The following NHERF1 variants were observed in gnomAD, a reference collection of about 807,000 sequenced individuals.
NHERF1 encodes NHERF family PDZ scaffold protein 1, also known as Na(+)/H(+) exchange regulatory cofactor NHE-RF1.
the NHERF1 span, among the ~76,000 whole-genome samples, chr17:74,759,302 C>G: frequency 1.2e-4 from 18 of 152,356 alleles, no homozygotes; most frequent in Non-Finnish European, 2.1e-4. Flanking sequence ...GGCTGGGTAC[C>G]CTGTTTCCCC....
At chr17:74,768,485 C>T in the NHERF1 span, 1 of 1,614,068 alleles carries the variant, frequency 6.2e-7, no homozygotes, top group Non-Finnish European at 8.5e-7. Flanking sequence ...CCCAAGACAG[C>T]CCCCCAAAAC....
the NHERF1 span, among the ~76,000 whole-genome samples, chr17:74,750,877 T>TA: frequency 6.7e-6 from 1 of 148,478 alleles, no homozygotes; most frequent in Non-Finnish European, 1.5e-5. Context: ...AGGCCTGGCA[T>TA]AGCACACGTG....
At chr17:74,767,777 TCCCCATGC>T in the NHERF1 span, among the ~76,000 whole-genome samples, 1 of 152,016 alleles carries the variant, frequency 6.6e-6, no homozygotes, top group African/African-American at 2.4e-5. Flanking sequence ...CCACATGGGC[TCCCCATGC>T]CCCCATGTGT....
At chr17:74,767,440 C>A in the NHERF1 span, among the ~76,000 whole-genome samples, 1 of 152,062 alleles carries the variant, frequency 6.6e-6, no homozygotes, top group African/African-American at 2.4e-5. Context: ...CATGGAGGAA[C>A]CCAGGAAGGG....
At chr17:74,768,249 T>C in the NHERF1 span, 2,330 of 1,597,384 alleles carry the variant, frequency 1.5e-3, 3 homozygotes, top group South Asian at 4.2e-3. Flanking sequence ...AGGCCAGCCA[T>C]GCGGGGGGTG....
chr17:74,767,181 G>T, the NHERF1 span, among the ~76,000 whole-genome samples: 2 of 152,166 alleles, frequency 1.3e-5, no homozygotes, highest in African/African-American at 4.8e-5. Flanking sequence ...AGGAGGGAGC[G>T]GGCTGGCTGG....
the NHERF1 span, chr17:74,766,895 A>T: frequency 6.2e-7 from 1 of 1,607,894 alleles, no homozygotes; most frequent in Non-Finnish European, 8.5e-7. Flanking sequence ...GCTCTATTCC[A>T]TCCCCGTTCT....
the NHERF1 span, chr17:74,762,273 C>A: frequency 2.1e-6 from 2 of 937,950 alleles, no homozygotes; most frequent in Non-Finnish European, 3.1e-6. The surrounding 1 kb of genome is among the most constrained non-coding windows in gnomAD (Gnocchi z 4.2). Flanking sequence ...GATTAGCCCA[C>A]GGGCATAGCC....
At chr17:74,766,127 C>T in the NHERF1 span, among the ~76,000 whole-genome samples, 1 of 152,146 alleles carries the variant, frequency 6.6e-6, no homozygotes, top group African/African-American at 2.4e-5. Flanking sequence ...CCTTGTGACC[C>T]ATCAGTGCCT....
At chr17:74,759,607 C>T in the NHERF1 span, among the ~76,000 whole-genome samples, 1 of 152,248 alleles carries the variant, frequency 6.6e-6, no homozygotes, top group Non-Finnish European at 1.5e-5. Flanking sequence ...CTGCGAGAGG[C>T]CCTGAGCGCC....
chr17:74,759,393 G>A, the NHERF1 span, among the ~76,000 whole-genome samples: 1 of 152,222 alleles, frequency 6.6e-6, no homozygotes, highest in South Asian at 2.1e-4. Context: ...ATGTCACTAG[G>A]CGAGGGGCAC....
the NHERF1 span, among the ~76,000 whole-genome samples, chr17:74,753,752 TGG>T: frequency 7.0e-6 from 1 of 142,588 alleles, no homozygotes; most frequent in Non-Finnish European, 1.5e-5. Flanking sequence ...GGGGGGTGAA[TGG>T]GGGCTTCCTT....
the NHERF1 span, among the ~76,000 whole-genome samples, chr17:74,767,500 C>T: frequency 6.6e-6 from 1 of 152,178 alleles, no homozygotes; most frequent in South Asian, 2.1e-4. Context: ...CTGGGACAGG[C>T]CGACTCAGTC....
At chr17:74,755,330 C>A in the NHERF1 span, among the ~76,000 whole-genome samples, 1 of 152,138 alleles carries the variant, frequency 6.6e-6, no homozygotes, top group Non-Finnish European at 1.5e-5. Context: ...TGTGATAGGT[C>A]AATCTGGAAT....
At chr17:74,753,387 C>T in the NHERF1 span, among the ~76,000 whole-genome samples, 1 of 152,120 alleles carries the variant, frequency 6.6e-6, no homozygotes, top group Non-Finnish European at 1.5e-5. Flanking sequence ...CCAGGGCGGG[C>T]GGGCCATTTT....
At chr17:74,757,673 A>G in the NHERF1 span, among the ~76,000 whole-genome samples, 1 of 152,114 alleles carries the variant, frequency 6.6e-6, no homozygotes, top group African/African-American at 2.4e-5. Context: ...TGTCTCCAGA[A>G]TCTGGGGAAC....
chr17:74,750,553 G>A, the NHERF1 span, among the ~76,000 whole-genome samples: 1 of 152,150 alleles, frequency 6.6e-6, no homozygotes, highest in East Asian at 1.9e-4. Flanking sequence ...AGGGCCACCA[G>A]GCTCCCACTT....
chr17:74,761,695 T>A, the NHERF1 span, among the ~76,000 whole-genome samples: 1 of 152,200 alleles, frequency 6.6e-6, no homozygotes, highest in East Asian at 1.9e-4. The surrounding 1 kb of genome is among the most constrained non-coding windows in gnomAD (Gnocchi z 4.3). Flanking sequence ...AGCATGTGAT[T>A]CACCTTAGAC....
At chr17:74,756,418 A>G in the NHERF1 span, among the ~76,000 whole-genome samples, 2 of 150,950 alleles carry the variant, frequency 1.3e-5, no homozygotes, top group Non-Finnish European at 2.9e-5. Flanking sequence ...AGCTGGGACC[A>G]CAGGTGTGCA....
Sources: allele counts gnomAD v4.1 joint callset (sites outside exome capture counted in the v4.1 genomes callset), GRCh38; gene constraint gnomAD v4.1.1; non-coding constraint Gnocchi (gnomAD v3.1); transcripts MANE v1.5; gene names NCBI Gene and HGNC (gene_info 2026-07-23, HGNC 2026-07-21).